The following SLCO2B1 variants were observed in gnomAD, a reference collection of about 807,000 sequenced individuals.
The protein encoded by SLCO2B1 is OATP-RP2.
Under a neutral mutation model 67.3 loss-of-function variants are expected in SLCO2B1, and 41 were observed. The ratio of observed to expected loss-of-function variants is 0.61; its 90% CI spans 0.47 to 0.79. The LOEUF is 0.79. SLCO2B1 is among the 30% of genes least tolerant of loss of function. The pLI is 0.00. For missense variants in SLCO2B1, 837 were observed against 920.1 expected, an observed-to-expected ratio of 0.91 and a Z score of 1.17; for synonymous variants, 379 against 381.4, an observed-to-expected ratio of 0.99 and a Z score of 0.07.
chr11:75,195,897 G>T (rs775427344), intron 9 of SLCO2B1, among the ~76,000 whole-genome samples: 2 of 152,120 alleles, frequency 1.3e-5, no homozygotes, highest in Non-Finnish European at 2.9e-5. Context: ...CTGACATCCT[G>T]CCCCTGCCCA....
rs577170105 is a variant in SLCO2B1, at chr11:75,165,777, C to G, written c.286-10C>G. 2 of 1,613,898 alleles carry G rather than the reference C, an allele frequency of 1.2e-6. No individual in the cohort carries two copies. The highest frequency in any genetic ancestry group is 1.7e-6 in the Non-Finnish European group (2 of 1,179,846). On this transcript the variant is annotated splice_polypyrimidine_tract_variant and intron_variant, in intron 3 of 13. Coordinates refer to ENST00000289575, the MANE Select transcript of SLCO2B1 (RefSeq NM_007256.5). ...GTTCCACCTTAATGGGTCACCTCGT[C>G]CTTTTGCAGGTGGGGAACACAGCCT...
intron 1 of SLCO2B1, among the ~76,000 whole-genome samples, chr11:75,154,296 G>C (rs1320959158): frequency 1.3e-5 from 2 of 149,672 alleles, no homozygotes; most frequent in African/African-American, 4.9e-5. Context: ...TTCGAGACCA[G>C]CCTGACCAAC....
intron 7 of SLCO2B1, among the ~76,000 whole-genome samples, chr11:75,183,581 G>A (rs1405045200): frequency 6.6e-6 from 1 of 152,190 alleles, no homozygotes; most frequent in African/African-American, 2.4e-5. Context: ...CTAGAGTGCA[G>A]AGGTGCCATC....
Position 75,151,371 on chromosome 11 carries a change from C to T in SLCO2B1, c.-11C>T. 6.2e-7 allele frequency: 1 copy of T among 1,613,356 alleles called. No homozygotes were observed. Among genetic ancestry groups the T allele is most frequent in the Non-Finnish European group, 8.5e-7 (1 of 1,179,678 alleles). ...AAATTAGGGGCTGGAGCTCACTGCACTCCAGCAGTCATGGGACCCAGGATA... is the reference window on the plus strand; with the variant it reads ...AAATTAGGGGCTGGAGCTCACTGCATTCCAGCAGTCATGGGACCCAGGATA... On this transcript the variant is annotated 5_prime_UTR_variant, in exon 1 of 14. Transcript: ENST00000289575.
chr11:75,151,729 AC>A (rs1165561410), intron 1 of SLCO2B1: 1 of 418,478 alleles, frequency 2.4e-6, no homozygotes, highest in Non-Finnish European at 4.3e-6. Flanking sequence ...AAAGATAGAG[AC>A]AGACAGAGCA....
intron 13 of SLCO2B1, 129 bp from the exon 14 acceptor site, chr11:75,204,271 A>C: frequency 4.3e-6 from 4 of 935,360 alleles, no homozygotes; most frequent in Non-Finnish European, 4.8e-6. Context: ...CCTCCAGGGA[A>C]GAGCCACAGC....
chr11:75,176,895 C>T (rs75572825), intron 7 of SLCO2B1, among the ~76,000 whole-genome samples: 6,308 of 152,252 alleles, frequency 0.041, 443 homozygotes, highest in African/African-American at 0.14. Flanking sequence ...GGGATTGGCC[C>T]ATAGAGGGTT....
chr11:75,181,779 C>T (rs1950094549), intron 7 of SLCO2B1, among the ~76,000 whole-genome samples: 2 of 152,224 alleles, frequency 1.3e-5, no homozygotes, highest in Admixed American at 1.3e-4. Context: ...CAGCCCTCTC[C>T]ATCCAGGGCT....
Position 75,193,237 on chromosome 11 carries a change from G to A in SLCO2B1, c.1095G>A (p.Leu365=), listed in dbSNP as rs1199866742. 1 of 1,612,104 alleles carries A rather than the reference G, an allele frequency of 6.2e-7. No homozygotes were observed. Among genetic ancestry groups the A allele is most frequent in the East Asian group, 2.2e-5 (1 of 44,858 alleles). The change falls in exon 9 of 14, where the codon CTG becomes CTA. Residue 365 remains leucine (L), a synonymous_variant. Transcript: ENST00000289575. The surrounding 1 kb of genome is among the most constrained non-coding windows in gnomAD (Gnocchi z 4.2). The part of the protein sequence containing the change: ...QFIKVFPRVL[L]QTLRHPIFLL... ...CCACAGTCTTCCCCAGGGTGCTGCTGCAGACCCTACGCCACCCCATCTTCC... is the reference window on the plus strand; with the variant it reads ...CCACAGTCTTCCCCAGGGTGCTGCTACAGACCCTACGCCACCCCATCTTCC...
chr11:75,173,276 G>C (rs1949986639), intron 7 of SLCO2B1, among the ~76,000 whole-genome samples: 1 of 152,240 alleles, frequency 6.6e-6, no homozygotes, highest in African/African-American at 2.4e-5. Context: ...CCCTGAAGAG[G>C]AGGGATTTCA....
chr11:75,151,495 T>C, intron 1 of SLCO2B1, 98 bp downstream of exon 1: 2 of 1,315,070 alleles, frequency 1.5e-6, no homozygotes, highest in Non-Finnish European at 2.2e-6. Context: ...GTGGGTGGGA[T>C]GGGTGCTCAC....
At chr11:75,162,042 C>T (rs370207584) in intron 1 of SLCO2B1, among the ~76,000 whole-genome samples, 196 of 152,270 alleles carry the variant, frequency 1.3e-3, no homozygotes, top group African/African-American at 4.6e-3. Flanking sequence ...TCTGCCCTGA[C>T]CAGCAACATG....
At chr11:75,188,060 C>A in intron 7 of SLCO2B1, 76 bp from the exon 8 acceptor site, 1 of 975,290 alleles carries the variant, frequency 1.0e-6, no homozygotes, top group Admixed American at 2.0e-5. Flanking sequence ...AAGACCTCTC[C>A]TCCCCAGCCC....
At chr11:75,163,853 C>A in intron 2 of SLCO2B1, 110 bp from the exon 3 acceptor site, 1 of 1,292,244 alleles carries the variant, frequency 7.7e-7, no homozygotes, top group Non-Finnish European at 1.1e-6. Flanking sequence ...CTGTCTCTTT[C>A]TGTGACTCTG....
intron 7 of SLCO2B1, among the ~76,000 whole-genome samples, chr11:75,181,966 C>G (rs1219187995): frequency 6.6e-6 from 1 of 152,152 alleles, no homozygotes; most frequent in East Asian, 1.9e-4. Context: ...GATAGGGCTC[C>G]CAATAGCCAC....
Position 75,172,350 on chromosome 11 carries a change from C to G in SLCO2B1, c.782-29C>G, listed in dbSNP as rs747461693. Reference sequence around the variant, plus strand: ...AGAAGTGACAGCCTATCATCCTGACCCTAATGTCACCATGCTCTTCTCTTC... The same window carrying G: ...AGAAGTGACAGCCTATCATCCTGACGCTAATGTCACCATGCTCTTCTCTTC... On this transcript the variant is annotated intron_variant, in intron 6 of 13. Transcript: ENST00000289575. 3.8e-6 allele frequency: 6 copies of G among 1,593,712 alleles called. No homozygotes were observed. The East Asian group carries it at 1.1e-4, about 30-fold the overall frequency.
chr11:75,173,626 G>A (rs1336076455), intron 7 of SLCO2B1, among the ~76,000 whole-genome samples: 1 of 152,116 alleles, frequency 6.6e-6, no homozygotes, highest in East Asian at 1.9e-4. Flanking sequence ...GCCCAGTGGA[G>A]GGATTTGCCC....
intron 4 of SLCO2B1, among the ~76,000 whole-genome samples, chr11:75,168,056 G>A (rs1193428577): frequency 1.3e-5 from 2 of 152,030 alleles, no homozygotes; most frequent in Non-Finnish European, 2.9e-5. Flanking sequence ...ACCACTCCCG[G>A]CTAATTTTTG....
intron 1 of SLCO2B1, chr11:75,152,584 A>G (rs1454300013): frequency 6.6e-6 from 1 of 152,368 alleles, no homozygotes; most frequent in Non-Finnish European, 1.5e-5. Context: ...ATTCCCCATC[A>G]GCCTTGGCTC....
Sources: gnomAD v4.1 joint callset for allele counts (sites outside exome capture counted in the v4.1 genomes callset) on GRCh38, gnomAD v4.1.1 for gene constraint, Gnocchi (gnomAD v3.1) non-coding constraint, MANE v1.5 for transcripts, NCBI Gene and HGNC (gene_info 2026-07-23, HGNC 2026-07-21) for gene names.